Variants in NIPAL3 observed in about 807,000 individuals in gnomAD.
NIPAL3 encodes the protein NIPA like domain containing 3, also known as NIPA-like protein 3.
A neutral mutation model predicts 47.2 loss-of-function variants in NIPAL3; 41 were observed. The observed-to-expected ratio is 0.87, with a 90% CI of 0.68 to 1.13. The LOEUF (loss-of-function observed/expected upper bound fraction) is 1.13. NIPAL3 is among the 50% of genes most tolerant of loss of function. The pLI is 0.00. For synonymous variants in NIPAL3, 194 were observed against 209.6 expected, an observed-to-expected ratio of 0.93 and a Z score of 0.64; for missense variants, 449 against 530.1, an observed-to-expected ratio of 0.85 and a Z score of 1.50.
chr1:24,468,308 C>T (rs932340235), intron 11 of NIPAL3, among the ~76,000 whole-genome samples: 2 of 151,886 alleles, frequency 1.3e-5, no homozygotes, highest in Admixed American at 1.3e-4. Context: ...GAGCAAGACC[C>T]TGTCTCAATA....
At position 24,456,105 on chromosome 1, in the gene NIPAL3, G is replaced by A. The variant is rs1437076212; in HGVS notation, c.638-33G>A. 1.9e-6 allele frequency: 3 copies of A among 1,613,296 alleles called. No homozygotes were observed. In the South Asian group the frequency reaches 3.3e-5, roughly 18 times the overall value. On this transcript the variant is annotated intron_variant, in intron 7 of 11. Transcript: ENST00000374399. The stretch of plus-strand genomic sequence containing the variant: ...GACCTAACTCTCTGCATTTCCCTGA[G>A]GCTCCCCATTCGCCCTTGTCTCCCA...
intron 9 of NIPAL3, among the ~76,000 whole-genome samples, chr1:24,459,997 A>G (rs1334550719): frequency 6.6e-6 from 1 of 152,192 alleles, no homozygotes; most frequent in East Asian, 1.9e-4. Flanking sequence ...CAGACTTGGG[A>G]TCTACTGGCC....
At chr1:24,445,597 T>C (rs1245314519) in intron 5 of NIPAL3, among the ~76,000 whole-genome samples, 2 of 152,192 alleles carry the variant, frequency 1.3e-5, no homozygotes. Context: ...AGTCATGCCT[T>C]ACTCCTAATA....
At position 24,469,337 on chromosome 1, in the gene NIPAL3, C is replaced by A; in HGVS notation, c.*152C>A. On this transcript the variant is annotated 3_prime_UTR_variant, in exon 12 of 12. Coordinates refer to ENST00000374399, the MANE Select transcript of NIPAL3 (RefSeq NM_020448.5). ...AAGCCTTTGTCTCTGGGAAAGGATG[C>A]GTTATCTTGGTCTTGGAAATTTCAA... The A allele has an allele frequency of 1.6e-6, 1 of 638,420 alleles. No homozygotes were observed. The highest frequency in any genetic ancestry group is 2.6e-6 in the Non-Finnish European group (1 of 380,260). The allele number at this position is 638,420 out of a possible 1,614,324, so 39.5% of individuals were successfully genotyped here. A position where few individuals can be genotyped will look rare whatever the true frequency, so the allele number is the denominator to read the frequency against.
intron 10 of NIPAL3, among the ~76,000 whole-genome samples, chr1:24,463,675 A>G (rs1475741853): frequency 6.6e-6 from 1 of 152,240 alleles, no homozygotes; most frequent in Non-Finnish European, 1.5e-5. Flanking sequence ...AATGATTGAA[A>G]TGAATGACTT....
intron 2 of NIPAL3, among the ~76,000 whole-genome samples, chr1:24,437,206 T>C (rs1441990033): frequency 1.3e-5 from 2 of 152,034 alleles, no homozygotes; most frequent in African/African-American, 4.8e-5. Flanking sequence ...GAGCCGAGAT[T>C]GCGCCACTGC....
intron 2 of NIPAL3, among the ~76,000 whole-genome samples, chr1:24,437,633 C>T (rs1348879161): frequency 6.6e-6 from 1 of 152,088 alleles, no homozygotes; most frequent in African/African-American, 2.4e-5. Context: ...TCCTGAGGAG[C>T]GACAACTAAT....
At chr1:24,452,640 C>G (rs1183401448) in intron 6 of NIPAL3, among the ~76,000 whole-genome samples, 1 of 152,146 alleles carries the variant, frequency 6.6e-6, no homozygotes, top group Admixed American at 6.5e-5. Context: ...AAAGGCCTTC[C>G]TCATTCTACT....
Position 24,420,384 on chromosome 1 carries a change from C to T in NIPAL3, c.93+744C>T, listed in dbSNP as rs190838141. The stretch of plus-strand genomic sequence containing the variant: ...AGGTGTGGTGGCATGTGCCTGTAGT[C>T]CTAACTACTCAGGAGGCTGAGACGG... On this transcript the variant is annotated intron_variant, in intron 2 of 11. Transcript: ENST00000374399. Among the ~76,000 whole-genome samples, 943 of 152,016 alleles carry T rather than the reference C, an allele frequency of 6.2e-3. 1 individual carries two copies. Among genetic ancestry groups the T allele is most frequent in the Admixed American group, 0.013 (196 of 15,282 alleles).
chr1:24,467,531 G>A (rs1423724450), intron 11 of NIPAL3, among the ~76,000 whole-genome samples: 1 of 152,122 alleles, frequency 6.6e-6, no homozygotes, highest in African/African-American at 2.4e-5. Context: ...CCCCGAGTTT[G>A]GACCCTGGCA....
intron 2 of NIPAL3, among the ~76,000 whole-genome samples, chr1:24,422,374 C>T (rs554218672): frequency 2.6e-4 from 39 of 152,118 alleles, no homozygotes; most frequent in Non-Finnish European, 4.7e-4. Flanking sequence ...AGTGTCATCC[C>T]TTCTCTATGC....
chr1:24,456,701 G>A (rs112373860), intron 8 of NIPAL3, among the ~76,000 whole-genome samples: 3,102 of 152,242 alleles, frequency 0.02, 107 homozygotes, highest in African/African-American at 0.07. Flanking sequence ...AAAGAAATAC[G>A]AAGCCAGCAG....
intron 2 of NIPAL3, among the ~76,000 whole-genome samples, chr1:24,428,420 G>C (rs1192156819): frequency 6.6e-6 from 1 of 151,984 alleles, no homozygotes; most frequent in African/African-American, 2.4e-5. Context: ...TTTGATCATA[G>C]GTCAGAAGAC....
At chr1:24,418,311 A>T (rs927529517) in intron 1 of NIPAL3, among the ~76,000 whole-genome samples, 1 of 152,224 alleles carries the variant, frequency 6.6e-6, no homozygotes, top group African/African-American at 2.4e-5. Context: ...GCCTCCTAGG[A>T]CACTAGAAGT....
intron 2 of NIPAL3, among the ~76,000 whole-genome samples, chr1:24,429,478 T>C (rs570908441): frequency 1.3e-5 from 2 of 152,348 alleles, no homozygotes; most frequent in Non-Finnish European, 2.9e-5. Context: ...CTGTTCTTTA[T>C]GTGTTGAAAA....
chr1:24,442,185 CGCT>C lies in NIPAL3; in HGVS notation c.295_297del (p.Leu99del), dbSNP rs1645425984. 6.2e-7 allele frequency: 1 copy of C among 1,614,044 alleles called. No homozygotes were observed. Among genetic ancestry groups the C allele is most frequent in the Non-Finnish European group, 8.5e-7 (1 of 1,180,038 alleles). On this transcript the variant is annotated inframe_deletion, in exon 4 of 12. Coordinates refer to ENST00000374399, the MANE Select transcript of NIPAL3 (RefSeq NM_020448.5). ...GTGTTCGCCTCCTACGCCTTCGCGC[CGCT>C]GTCACTCATCGTGCCCCTCAGCGCA...
At chr1:24,426,666 C>T (rs2148763516) in intron 2 of NIPAL3, among the ~76,000 whole-genome samples, 1 of 152,280 alleles carries the variant, frequency 6.6e-6, no homozygotes, top group Middle Eastern at 3.4e-3. Flanking sequence ...CTGACAGTCG[C>T]TTATTCCGTG....
At chr1:24,459,888 C>G (rs1489396221) in intron 9 of NIPAL3, among the ~76,000 whole-genome samples, 2 of 152,232 alleles carry the variant, frequency 1.3e-5, no homozygotes, top group African/African-American at 4.8e-5. Context: ...CTCAGGAATA[C>G]AGCTGGAGGC....
At chr1:24,453,347 T>G in intron 6 of NIPAL3, 61 bp from the exon 7 acceptor site, 1 of 1,181,936 alleles carries the variant, frequency 8.5e-7, no homozygotes, top group South Asian at 1.2e-5. Context: ...CCCACCAGGG[T>G]CTCCCGGTCT....
Sources: gnomAD v4.1 joint callset for allele counts (sites outside exome capture counted in the v4.1 genomes callset) on GRCh38, gnomAD v4.1.1 for gene constraint, MANE v1.5 for transcripts, NCBI Gene and HGNC (gene_info 2026-07-23, HGNC 2026-07-21) for gene names.